Variants in RANBP2 observed in about 807,000 individuals in gnomAD.
The protein encoded by RANBP2 is RAN binding protein 2, also known as E3 SUMO-protein ligase RanBP2.
RANBP2 carries 57 observed loss-of-function variants against 303.6 expected under a neutral mutation model. That is an observed-to-expected ratio of 0.19 (90% CI 0.15 to 0.23). The LOEUF (loss-of-function observed/expected upper bound fraction) is 0.23. Ranked by LOEUF, RANBP2 falls within the 10% of genes least tolerant of loss-of-function variation. The probability of loss-of-function intolerance (pLI) is 1.00; values close to 1 mark genes in which losing one functional copy is unlikely to be tolerated. For synonymous variants in RANBP2, 1,167 were observed against 1,301.5 expected (o/e 0.90, Z 2.23); for missense variants, 3,138 against 3,780.8 (o/e 0.83, Z 4.46).
At chr2:109,284,251 TG>T in the RANBP2 span, among the ~76,000 whole-genome samples, 1 of 152,212 alleles carries the variant, frequency 6.6e-6, no homozygotes, top group African/African-American at 2.4e-5. Context: ...GTCATTTTGG[TG>T]GGTGTTCATT....
the RANBP2 span, among the ~76,000 whole-genome samples, chr2:109,277,832 A>G: frequency 6.6e-6 from 1 of 152,190 alleles, no homozygotes; most frequent in South Asian, 2.1e-4. Context: ...GTGGAGAAAC[A>G]GTGGCCAGGT....
At chr2:109,602,624 G>A in the RANBP2 span, among the ~76,000 whole-genome samples, 35 of 149,574 alleles carry the variant, frequency 2.3e-4, no homozygotes, top group East Asian at 2.0e-4. Flanking sequence ...GCAGTGAGCC[G>A]AGATCGCACC....
chr2:109,540,122 T>C, the RANBP2 span, among the ~76,000 whole-genome samples: 1 of 152,190 alleles, frequency 6.6e-6, no homozygotes, highest in African/African-American at 2.4e-5. Context: ...TTATTATTGA[T>C]TTCTACCTTA....
the RANBP2 span, among the ~76,000 whole-genome samples, chr2:109,235,715 G>A: frequency 5.3e-5 from 8 of 152,240 alleles, no homozygotes; most frequent in Non-Finnish European, 1.0e-4. Flanking sequence ...TGCAGTCGAG[G>A]CATCCCTGTG....
At chr2:108,969,134 G>A in the RANBP2 span, among the ~76,000 whole-genome samples, 3 of 152,134 alleles carry the variant, frequency 2.0e-5, no homozygotes, top group Admixed American at 6.5e-5. Context: ...GATTCAACAA[G>A]GGTGATGAAG....
the RANBP2 span, chr2:109,371,601 G>T: frequency 1.2e-6 from 2 of 1,614,036 alleles, no homozygotes; most frequent in Non-Finnish European, 1.7e-6. Context: ...GATTCTGACG[G>T]TGCTCAGGAG....
the RANBP2 span, among the ~76,000 whole-genome samples, chr2:108,979,975 C>T: frequency 1.4e-5 from 2 of 144,466 alleles, no homozygotes; most frequent in African/African-American, 5.0e-5. Context: ...AGTCTCCTGG[C>T]CTCTGCTTCT....
chr2:109,487,443 T>C, the RANBP2 span, among the ~76,000 whole-genome samples: 1 of 152,202 alleles, frequency 6.6e-6, no homozygotes, highest in African/African-American at 2.4e-5. Flanking sequence ...AACTGATGCT[T>C]AAGGCATTAG....
chr2:108,997,885 C>T, the RANBP2 span, among the ~76,000 whole-genome samples: 39 of 152,220 alleles, frequency 2.6e-4, 1 homozygote, highest in South Asian at 7.1e-3. Context: ...AGTTAGACTC[C>T]GTCTCAAAAA....
the RANBP2 span, among the ~76,000 whole-genome samples, chr2:109,727,661 G>C: frequency 6.6e-6 from 1 of 152,158 alleles, no homozygotes; most frequent in Non-Finnish European, 1.5e-5. Context: ...ATCTGATGAT[G>C]CCCTGGGGCA....
the RANBP2 span, chr2:109,613,502 G>A: frequency 8.5e-6 from 2 of 236,088 alleles, no homozygotes; most frequent in East Asian, 9.1e-5. Context: ...CACAAACACC[G>A]CTGTGGATGT....
the RANBP2 span, among the ~76,000 whole-genome samples, chr2:109,458,677 G>T: frequency 6.6e-6 from 1 of 152,080 alleles, no homozygotes; most frequent in East Asian, 1.9e-4. Context: ...CAGCAGGCTG[G>T]ACCCTCAGTC....
At chr2:109,388,339 C>T in the RANBP2 span, among the ~76,000 whole-genome samples, 1 of 152,286 alleles carries the variant, frequency 6.6e-6, no homozygotes, top group Non-Finnish European at 1.5e-5. Flanking sequence ...ACATGGAACA[C>T]ATCCTAAAGA....
At chr2:108,833,261 T>C in the RANBP2 span, among the ~76,000 whole-genome samples, 3 of 152,212 alleles carry the variant, frequency 2.0e-5, no homozygotes, top group Admixed American at 2.0e-4. Context: ...TTAATCATAG[T>C]ATGTCAGTGT....
At chr2:109,386,770 C>T in the RANBP2 span, among the ~76,000 whole-genome samples, 1 of 152,286 alleles carries the variant, frequency 6.6e-6, no homozygotes, top group East Asian at 1.9e-4. Context: ...GAAGAGGAAA[C>T]CTTTGCTAGA....
At chr2:108,987,760 G>A in the RANBP2 span, among the ~76,000 whole-genome samples, 2 of 152,322 alleles carry the variant, frequency 1.3e-5, no homozygotes, top group African/African-American at 4.8e-5. Context: ...CAGCCGTGAA[G>A]GGTACACGTG....
chr2:109,502,951 G>T, the RANBP2 span: 1 of 152,198 alleles, frequency 6.6e-6, no homozygotes, highest in African/African-American at 2.4e-5. Flanking sequence ...GAGACCAGAG[G>T]TACAAGGAGA....
the RANBP2 span, among the ~76,000 whole-genome samples, chr2:108,866,545 C>T: frequency 1.3e-5 from 2 of 152,134 alleles, no homozygotes; most frequent in Non-Finnish European, 2.9e-5. Context: ...TTGACCACTT[C>T]CTTATGTTTT....
the RANBP2 span, among the ~76,000 whole-genome samples, chr2:108,794,012 G>A: frequency 6.6e-6 from 1 of 152,118 alleles, no homozygotes; most frequent in African/African-American, 2.4e-5. Flanking sequence ...TGTATACAGT[G>A]TTTGCAAAAT....
Sources: allele counts gnomAD v4.1 joint callset (sites outside exome capture counted in the v4.1 genomes callset), GRCh38; gene constraint gnomAD v4.1.1; transcripts MANE v1.5; gene names NCBI Gene and HGNC (gene_info 2026-07-23, HGNC 2026-07-21).